The following ATAD1 variants were observed in gnomAD, a reference collection of about 807,000 sequenced individuals.
ATAD1 encodes the protein outer mitochondrial transmembrane helix translocase.
Under a neutral mutation model 42.7 loss-of-function variants are expected in ATAD1, and 18 were observed. That is an observed-to-expected ratio of 0.42 (90% CI 0.29 to 0.63). The LOEUF (loss-of-function observed/expected upper bound fraction) is 0.63, where lower values mean the gene tolerates loss of function less well. Ranked by LOEUF, ATAD1 falls within the 20% of genes least tolerant of loss-of-function variation. ATAD1 has a pLI of 0.19. For missense variants in ATAD1, 294 were observed against 440.4 expected, an observed-to-expected ratio of 0.67 and a Z score of 2.98; for synonymous variants, 132 against 143.1, an observed-to-expected ratio of 0.92 and a Z score of 0.55.
intron 7 of ATAD1, among the ~76,000 whole-genome samples, chr10:87,768,413 A>T (rs1441487584): frequency 1.3e-5 from 2 of 152,230 alleles, no homozygotes; most frequent in African/African-American, 4.8e-5. Context: ...AAATCAAATT[A>T]CTTGAAAAAC....
At chr10:87,759,766 C>T (rs1051706333) in intron 8 of ATAD1, 1 of 455,656 alleles carries the variant, frequency 2.2e-6, no homozygotes, top group African/African-American at 2.0e-5. Flanking sequence ...TACAAAACTT[C>T]TCTGGGTTTC....
chr10:87,770,905 A>C (rs747610694), intron 7 of ATAD1, 47 bp downstream of exon 7: 1 of 1,529,558 alleles, frequency 6.5e-7, no homozygotes, highest in Admixed American at 1.7e-5. Context: ...AAGACCTATA[A>C]AAAGGTGAGT....
At position 87,803,057 on chromosome 10, in the gene ATAD1, G is replaced by A. The variant is rs73352874; in HGVS notation, c.163-10302C>T. Among the ~76,000 whole-genome samples, 1,233 of 152,246 alleles carry A rather than the reference G, an allele frequency of 8.1e-3. 12 individuals are homozygous for A. The highest frequency in any genetic ancestry group is 0.028 in the African/African-American group (1,178 of 41,548). On this transcript the variant is annotated intron_variant, in intron 2 of 9. Coordinates refer to ENST00000680024, the MANE Select transcript of ATAD1 (RefSeq NM_001321967.2). ...AACAGCAACTTAGTTACATACATAAGCCACTTTAATACCTGCCTACTGACA... is the reference window on the plus strand; with the variant it reads ...AACAGCAACTTAGTTACATACATAAACCACTTTAATACCTGCCTACTGACA...
At chr10:87,786,081 C>T (rs1260139842) in intron 4 of ATAD1, among the ~76,000 whole-genome samples, 3 of 152,126 alleles carry the variant, frequency 2.0e-5, no homozygotes, top group Non-Finnish European at 4.4e-5. Flanking sequence ...TTGGATGGCT[C>T]ATATGAAACA....
chr10:87,786,588 G>A (rs1213883772), intron 4 of ATAD1, among the ~76,000 whole-genome samples: 4 of 152,170 alleles, frequency 2.6e-5, no homozygotes, highest in African/African-American at 4.8e-5. Flanking sequence ...AACAGAGAAG[G>A]TACACAAGCT....
chr10:87,816,902 T>C (rs1487984038), intron 1 of ATAD1, among the ~76,000 whole-genome samples: 1 of 152,196 alleles, frequency 6.6e-6, no homozygotes, highest in Non-Finnish European at 1.5e-5. Flanking sequence ...GTGATAAAAC[T>C]ACCAACCAAG....
upstream of ATAD1, among the ~76,000 whole-genome samples, chr10:87,821,152 T>C (rs1857624027): frequency 6.6e-6 from 1 of 152,174 alleles, no homozygotes; most frequent in Non-Finnish European, 1.5e-5. Context: ...TCCACTTTTG[T>C]TATTAAATGG....
chr10:87,788,986 T>C (rs935644321), intron 4 of ATAD1, among the ~76,000 whole-genome samples: 1 of 152,170 alleles, frequency 6.6e-6, no homozygotes, highest in African/African-American at 2.4e-5. Flanking sequence ...GCTTTGTTGT[T>C]TTAATAATAA....
chr10:87,836,279 C>G (rs962122009), intron 1 of ATAD1, among the ~76,000 whole-genome samples: 10 of 152,128 alleles, frequency 6.6e-5, no homozygotes, highest in African/African-American at 2.4e-4. Context: ...CCATGCCTGG[C>G]TCCTCCTTTA....
At chr10:87,774,725 C>A (rs1413020276) in intron 6 of ATAD1, among the ~76,000 whole-genome samples, 3 of 152,094 alleles carry the variant, frequency 2.0e-5, no homozygotes. Flanking sequence ...CCAAAGCGGG[C>A]AGACTGCTTG....
chr10:87,761,996 T>C (rs998960976), intron 8 of ATAD1, among the ~76,000 whole-genome samples: 2 of 152,134 alleles, frequency 1.3e-5, no homozygotes, highest in African/African-American at 4.8e-5. Context: ...CCTCCCACCA[T>C]GACCTTCAGA....
At chr10:87,762,166 T>C (rs1338352869) in intron 8 of ATAD1, among the ~76,000 whole-genome samples, 2 of 152,202 alleles carry the variant, frequency 1.3e-5, no homozygotes, top group Non-Finnish European at 1.5e-5. Context: ...ATGTAAATCA[T>C]CTGCATCATC....
At chr10:87,794,532 C>G (rs1288846927) in intron 2 of ATAD1, among the ~76,000 whole-genome samples, 1 of 152,172 alleles carries the variant, frequency 6.6e-6, no homozygotes, top group Non-Finnish European at 1.5e-5. Context: ...TTGGCAAAGT[C>G]TGGAAATACT....
chr10:87,837,532 C>T (rs979273167), intron 1 of ATAD1, among the ~76,000 whole-genome samples: 2 of 152,134 alleles, frequency 1.3e-5, no homozygotes, highest in African/African-American at 4.8e-5. Context: ...CAGATCCATC[C>T]TTGTGCAACT....
chr10:87,766,914 CA>C (rs1345681781), intron 8 of ATAD1, among the ~76,000 whole-genome samples: 1 of 151,710 alleles, frequency 6.6e-6, no homozygotes, highest in African/African-American at 2.4e-5. Context: ...AACATGTGAC[CA>C]AAAAAACCTT....
At chr10:87,836,696 T>C (rs1857935992) in intron 1 of ATAD1, among the ~76,000 whole-genome samples, 1 of 152,228 alleles carries the variant, frequency 6.6e-6, no homozygotes, top group African/African-American at 2.4e-5. Flanking sequence ...CTGAGTTTCT[T>C]GAATCTGTAA....
chr10:87,814,563 G>A lies in ATAD1; in HGVS notation c.37C>T (p.Arg13Trp). Residue 13 changes from arginine (R) to tryptophan (W), a missense_variant, in exon 2 of 10, where the codon CGG becomes TGG. Transcript: ENST00000680024. ...AAAATTAAACCAACAACTTCATTCC[G>A]ACTCAAAGGACGAGAAAAGGCTTCA... The part of the protein sequence containing the change: ...HAEAFSRPLS[R>W]NEVVGLIFRL... The A allele has an allele frequency of 6.2e-7, 1 of 1,610,340 alleles. No homozygotes were observed.
chr10:87,769,623 G>A (rs558983597), intron 7 of ATAD1, among the ~76,000 whole-genome samples: 1 of 152,178 alleles, frequency 6.6e-6, no homozygotes, highest in Non-Finnish European at 1.5e-5. Flanking sequence ...GATCCTAGCA[G>A]GTCTGTGACA....
chr10:87,835,140 G>C (rs1193416367), intron 1 of ATAD1, among the ~76,000 whole-genome samples: 1 of 151,674 alleles, frequency 6.6e-6, no homozygotes, highest in Non-Finnish European at 1.5e-5. Flanking sequence ...CTTTTTTTAG[G>C]CTGGATTATG....
Sources: allele counts gnomAD v4.1 joint callset (sites outside exome capture counted in the v4.1 genomes callset), GRCh38; gene constraint gnomAD v4.1.1; transcripts MANE v1.5; gene names NCBI Gene and HGNC (gene_info 2026-07-23, HGNC 2026-07-21).